KIF24: variants seen among roughly 807,000 people sequenced by gnomAD.
KIF24 encodes kinesin-like protein KIF24.
A neutral mutation model predicts 118.9 loss-of-function variants in KIF24; 81 were observed. The observed-to-expected ratio is 0.68, with a 90% CI of 0.57 to 0.82. KIF24 has a LOEUF of 0.82. Among genes scored for constraint, KIF24 ranks in the 40% least tolerant of loss-of-function variants. The pLI is 0.00. For synonymous variants in KIF24, 599 were observed against 610.0 expected (o/e 0.98, Z 0.27); for missense variants, 1,560 against 1,661.6 (o/e 0.94, Z 1.06).
intron 2 of KIF24, among the ~76,000 whole-genome samples, chr9:34,309,701 A>C (rs375864625): frequency 1.5e-4 from 23 of 152,136 alleles, no homozygotes; most frequent in Admixed American, 4.6e-4. Flanking sequence ...GACCAAACAA[A>C]ATGTTTTCAG....
intron 8 of KIF24, among the ~76,000 whole-genome samples, chr9:34,263,884 C>T (rs922560664): frequency 5.9e-5 from 9 of 151,558 alleles, no homozygotes; most frequent in South Asian, 4.2e-4. Context: ...CAATTAAAAA[C>T]GACCCTTCAT....
Position 34,257,236 on chromosome 9 carries a change from G to A in KIF24, c.2371C>T (p.Arg791Cys), listed in dbSNP as rs1158199837. ...LKYQPLKRSL[R>C]QYRPPEGQLT... The stretch of plus-strand genomic sequence containing the variant: ...TGACCCTCTGGGGGCCTGTACTGGC[G>A]TAAAGACCTTTTCAGTGGTTGGTAT... The change falls in exon 11 of 13, where the codon CGC (arginine) becomes TGC (cysteine). Residue 791 changes from arginine to cysteine, a missense_variant. By Grantham distance (180) the Arg-to-Cys change is radical. Coordinates refer to ENST00000402558, the MANE Select transcript of KIF24 (RefSeq NM_194313.4). The A allele has an allele frequency of 5.0e-6, 8 of 1,613,940 alleles. No homozygotes were observed. Among genetic ancestry groups the A allele is most frequent in the Admixed American group, 3.3e-5 (2 of 60,012 alleles).
At chr9:34,314,137 C>A (rs1192996985) in intron 1 of KIF24, among the ~76,000 whole-genome samples, 1 of 151,608 alleles carries the variant, frequency 6.6e-6, no homozygotes, top group Non-Finnish European at 1.5e-5. Context: ...CAGAATCACT[C>A]TAGACACTTG....
At chr9:34,311,736 A>ACACG (rs1563961593) in intron 1 of KIF24, among the ~76,000 whole-genome samples, 35 of 147,382 alleles carry the variant, frequency 2.4e-4, no homozygotes, top group Middle Eastern at 3.6e-3. Flanking sequence ...ACGTATATAT[A>ACACG]TACATATATA....
intron 2 of KIF24, among the ~76,000 whole-genome samples, chr9:34,308,403 C>T (rs1018385891): frequency 1.3e-5 from 2 of 151,950 alleles, no homozygotes; most frequent in African/African-American, 4.8e-5. Flanking sequence ...CCTACCTCAG[C>T]CTCTAGAATA....
chr9:34,292,690 G>C (rs1836300743), intron 4 of KIF24, among the ~76,000 whole-genome samples: 1 of 152,214 alleles, frequency 6.6e-6, no homozygotes, highest in Admixed American at 6.5e-5. Flanking sequence ...GAGTTAATTA[G>C]ATGTAAGCTG....
chr9:34,290,693 G>T (rs181351301), intron 4 of KIF24, among the ~76,000 whole-genome samples: 1 of 151,280 alleles, frequency 6.6e-6, no homozygotes, highest in African/African-American at 2.4e-5. Context: ...TCTGTCTCCC[G>T]GGTTCAAGTG....
At position 34,256,350 on chromosome 9, in the gene KIF24, C is replaced by T. The variant is rs1189202803; in HGVS notation, c.3257G>A (p.Gly1086Glu). Reference protein sequence around the residue: ...ATHSLVAESTGGPVVSHTVPS... With the variant: ...ATHSLVAESTEGPVVSHTVPS... ...CACTGTGTGGCTCACAACTGGGCCCCCTGTGCTCTCTGCCACTAGACTGTG... is the reference window on the plus strand; with the variant it reads ...CACTGTGTGGCTCACAACTGGGCCCTCTGTGCTCTCTGCCACTAGACTGTG... Residue 1086 changes from glycine (G) to glutamate (E), a missense_variant, in exon 11 of 13, where the codon GGG (glycine) becomes GAG (glutamate). By Grantham distance (98) the Gly-to-Glu change is moderately conservative (BLOSUM62 -2). Around this residue, in one of 3 missense-constraint regions of KIF24, gnomAD observed 591 missense variants for 655.6 expected, o/e 0.90. Coordinates refer to ENST00000402558, the MANE Select transcript of KIF24 (RefSeq NM_194313.4). 3 of 1,613,780 alleles carry T rather than the reference C, an allele frequency of 1.9e-6. No individual in the cohort carries two copies. The highest frequency in any genetic ancestry group is 1.3e-5 in the African/African-American group (1 of 75,050).
At chr9:34,325,387 C>T (rs950358515) in intron 1 of KIF24, among the ~76,000 whole-genome samples, 4 of 144,252 alleles carry the variant, frequency 2.8e-5, no homozygotes, top group African/African-American at 7.7e-5. Context: ...TCTTTTTATA[C>T]CCAGGTTCTA....
At chr9:34,263,064 G>A in intron 9 of KIF24, 37 bp downstream of exon 9, 1 of 1,473,456 alleles carries the variant, frequency 6.8e-7, no homozygotes, top group Non-Finnish European at 9.5e-7. Flanking sequence ...AGAAAGGAAT[G>A]AATCAGAACA....
chr9:34,303,051 G>T (rs1227376249), intron 3 of KIF24, among the ~76,000 whole-genome samples: 1 of 152,028 alleles, frequency 6.6e-6, no homozygotes, highest in Non-Finnish European at 1.5e-5. Flanking sequence ...TGGGATTACA[G>T]GCGTGAGCCA....
At chr9:34,332,524 A>G (rs762841672), upstream of KIF24, among the ~76,000 whole-genome samples, 3 of 152,190 alleles carry the variant, frequency 2.0e-5, no homozygotes, top group Non-Finnish European at 2.9e-5. Context: ...ACAACAGACA[A>G]ATTCCCCGAG....
intron 1 of KIF24, among the ~76,000 whole-genome samples, chr9:34,317,043 C>A (rs932094809): frequency 6.6e-6 from 1 of 151,996 alleles, no homozygotes; most frequent in East Asian, 1.9e-4. Flanking sequence ...AGTGAAACGC[C>A]GTCTCTGCTA....
At chr9:34,317,568 T>A (rs1478540631) in intron 1 of KIF24, among the ~76,000 whole-genome samples, 1 of 152,194 alleles carries the variant, frequency 6.6e-6, no homozygotes, top group East Asian at 1.9e-4. Context: ...ATTTAAATTG[T>A]GCACCATTCT....
upstream of KIF24, among the ~76,000 whole-genome samples, chr9:34,331,255 A>T (rs970159840): frequency 1.3e-5 from 2 of 152,246 alleles, no homozygotes; most frequent in Admixed American, 1.3e-4. Context: ...TCTTTAAAAC[A>T]GAGAAGCTTT....
upstream of KIF24, among the ~76,000 whole-genome samples, chr9:34,329,813 C>T (rs1329152806): frequency 2.6e-5 from 4 of 152,074 alleles, no homozygotes; most frequent in Non-Finnish European, 1.5e-5. Flanking sequence ...GGGAGGTTCC[C>T]TGACTCTGAG....
At chr9:34,294,877 CAA>C (rs1254652857) in intron 4 of KIF24, among the ~76,000 whole-genome samples, 3 of 152,154 alleles carry the variant, frequency 2.0e-5, no homozygotes, top group Non-Finnish European at 4.4e-5. Context: ...AATAGGGACA[CAA>C]GAGAACTTTC....
intron 7 of KIF24, among the ~76,000 whole-genome samples, chr9:34,270,998 G>A (rs1489696312): frequency 2.6e-5 from 4 of 151,658 alleles, no homozygotes; most frequent in African/African-American, 9.7e-5. Flanking sequence ...AGGAGGCTGA[G>A]GCAGGAGGAA....
chr9:34,314,929 A>T (rs1837285878), intron 1 of KIF24, among the ~76,000 whole-genome samples: 1 of 152,244 alleles, frequency 6.6e-6, no homozygotes, highest in Non-Finnish European at 1.5e-5. Flanking sequence ...TTTGTAAAAG[A>T]GAGAGATAAA....
Sources: allele counts gnomAD v4.1 joint callset (sites outside exome capture counted in the v4.1 genomes callset), GRCh38; gene constraint gnomAD v4.1.1; regional missense constraint gnomAD v4.1.1; transcripts MANE v1.5; gene names NCBI Gene and HGNC (gene_info 2026-07-23, HGNC 2026-07-21).